The following ESPN variants were observed in gnomAD, a reference collection of about 807,000 sequenced individuals.
ESPN encodes autosomal recessive deafness type 36 protein.
ESPN carries 68 observed loss-of-function variants against 77.7 expected under a neutral mutation model. That is an observed-to-expected ratio of 0.87 (90% confidence interval 0.72 to 1.07). ESPN has a LOEUF of 1.07. Ranked by LOEUF, ESPN falls within the 50% of genes least tolerant of loss-of-function variation. ESPN has a pLI of 0.00. For synonymous variants in ESPN, 449 were observed against 567.1 expected (o/e 0.79, Z 2.96); for missense variants, 1,060 against 1,239.0 (o/e 0.86, Z 2.17).
chr1:6,458,790 T>C (rs1490694049), intron 12 of ESPN, among the ~76,000 whole-genome samples: 1 of 141,554 alleles, frequency 7.1e-6, no homozygotes, highest in Admixed American at 7.0e-5. Flanking sequence ...AATTAGGTGG[T>C]CGTGATGGCG....
In ESPN at chr1:6,440,244, G is replaced by A. The variant is rs553650057; in HGVS notation, c.489-10G>A. ...GCTGAAAGCCCACGGTGGGCGCTGTGTCTCCGCAGGGGAGTGAATGCCCAA... is the reference window on the plus strand; with the variant it reads ...GCTGAAAGCCCACGGTGGGCGCTGTATCTCCGCAGGGGAGTGAATGCCCAA... On this transcript the variant is annotated splice_polypyrimidine_tract_variant and intron_variant, in intron 2 of 12. Transcript: ENST00000645284. The A allele has an allele frequency of 2.0e-5, 31 of 1,547,998 alleles. No individual in the cohort carries two copies. Among genetic ancestry groups the A allele is most frequent in the Middle Eastern group, 2.0e-4 (1 of 4,910 alleles).
In ESPN at chr1:6,440,817, G is replaced by A; in HGVS notation, c.858+9G>A. 1 of 1,469,246 alleles carries A rather than the reference G, an allele frequency of 6.8e-7. No homozygotes were observed. Among genetic ancestry groups the A allele is most frequent in the East Asian group, 2.8e-5 (1 of 35,744 alleles). The allele number at this position is 1,469,246 out of a possible 1,614,324, so 91.0% of individuals were successfully genotyped here. A position where few individuals can be genotyped will look rare whatever the true frequency, so the allele number is the denominator to read the frequency against. On this transcript the variant is annotated intron_variant, in intron 4 of 12. Transcript: ENST00000645284. ...AGAACGGGGAGCTAGAGGTCAGCGC[G>A]GGCCCGGGGTGGGGGCGCGCGCCCT...
chr1:6,434,463 G>A (rs1643361154), intron 2 of ESPN, among the ~76,000 whole-genome samples: 1 of 152,144 alleles, frequency 6.6e-6, no homozygotes, highest in Non-Finnish European at 1.5e-5. Context: ...CTGAATGAGT[G>A]GGGTATGGAA....
Position 6,425,156 on chromosome 1 carries a change from C to T in ESPN, c.201C>T (p.Ala67=), listed in dbSNP as rs572281189. The stretch of plus-strand genomic sequence containing the variant: ...CCGCCCTCCCCGCCGCGGCCCGCGC[C>T]CGCAACGGCGCCACACCGGCCCACG... ...EEAALPAAAR[A]RNGATPAHDA... The change falls in exon 1 of 13, where the codon GCC becomes GCT. Residue 67 remains alanine, a synonymous_variant. Coordinates refer to ENST00000645284, the MANE Select transcript of ESPN (RefSeq NM_031475.3). 6.1e-5 allele frequency: 92 copies of T among 1,515,692 alleles called. No individual in the cohort carries two copies. In the South Asian group the frequency reaches 1.1e-3, roughly 18 times the overall value. The allele number at this position is 1,515,692 out of a possible 1,614,324, so 93.9% of individuals were successfully genotyped here. A position where few individuals can be genotyped will look rare whatever the true frequency, so the allele number is the denominator to read the frequency against.
intron 10 of ESPN, among the ~76,000 whole-genome samples, chr1:6,452,349 C>CGTA (rs981188375): frequency 6.6e-6 from 1 of 152,018 alleles, no homozygotes; most frequent in Non-Finnish European, 1.5e-5. Flanking sequence ...GGATTACAGG[C>CGTA]GCCTGCCACC....
chr1:6,445,462 C>A, intron 6 of ESPN: 1 of 659,390 alleles, frequency 1.5e-6, no homozygotes, highest in Non-Finnish European at 2.7e-6. Context: ...CCTGGTCTTC[C>A]CCCAGTAAGT....
downstream of ESPN, chr1:6,461,244 G>A: frequency 1.3e-6 from 1 of 769,480 alleles, no homozygotes; most frequent in Non-Finnish European, 2.3e-6. The surrounding 1 kb of genome is among the most constrained non-coding windows in gnomAD (Gnocchi z 6.3). Flanking sequence ...ACCCCCTCTC[G>A]ACATTCGTTC....
rs113467202 is a variant in ESPN, at chr1:6,428,329, C to T, written c.398C>T (p.Ala133Val). 4.0e-5 allele frequency: 65 copies of T among 1,612,866 alleles called. No individual in the cohort carries two copies. The African/African-American group carries it at 4.8e-4, about 12-fold the overall frequency. ...LLHHGGGDPT[A>V]ATDMGALPIH... ...CATCATGGCGGTGGGGACCCCACCG[C>T]GGCCACAGACATGGGCGCCCTGCCT... The change falls in exon 2 of 13, where the codon GCG becomes GTG. Residue 133 changes from alanine to valine, a missense_variant. Ala to Val is a moderately conservative substitution (Grantham distance 64, BLOSUM62 0). This residue lies in a region of ESPN where 556 missense variants were observed against 633.6 expected (regional missense o/e 0.88). Coordinates refer to ENST00000645284, the MANE Select transcript of ESPN (RefSeq NM_031475.3). This position sits in a 1 kb window ranked among gnomAD's most constrained non-coding sequence, Gnocchi z 5.4.
At chr1:6,453,529 C>T (rs1343873361) in intron 10 of ESPN, among the ~76,000 whole-genome samples, 1 of 152,250 alleles carries the variant, frequency 6.6e-6, no homozygotes, top group African/African-American at 2.4e-5. Context: ...TGAAGAGCCG[C>T]AGGTGAGACA....
downstream of ESPN, chr1:6,461,294 G>C: frequency 9.2e-7 from 1 of 1,084,262 alleles, no homozygotes; most frequent in Non-Finnish European, 1.4e-6. This position sits in a 1 kb window ranked among gnomAD's most constrained non-coding sequence, Gnocchi z 6.3. Flanking sequence ...GGGCGAGCAG[G>C]GGTGGGGCCG....
At chr1:6,461,299 G>T, downstream of ESPN, 2 of 1,153,644 alleles carry the variant, frequency 1.7e-6, no homozygotes, top group Non-Finnish European at 2.5e-6. This position sits in a 1 kb window ranked among gnomAD's most constrained non-coding sequence, Gnocchi z 6.3. Context: ...AGCAGGGGTG[G>T]GGCCGGCTGG....
At position 6,448,881 on chromosome 1, in the gene ESPN, G is replaced by A. The variant is rs1275702428; in HGVS notation, c.1705G>A (p.Ala569Thr). 7 of 1,317,490 alleles carry A rather than the reference G, an allele frequency of 5.3e-6. No individual in the cohort carries two copies. The African/African-American group carries it at 6.2e-5, about 12-fold the overall frequency. The allele number at this position is 1,317,490 out of a possible 1,614,324, so 81.6% of individuals were successfully genotyped here. A position where few individuals can be genotyped will look rare whatever the true frequency, so the allele number is the denominator to read the frequency against. ...AARGSLEGPS[A>T]PPQAALLPGN... ...CCGCGGCTCACTCGAAGGCCCCTCC[G>A]CTCCCCCGCAGGCGGCGCTGCTTCC... The change falls in exon 8 of 13, where the codon GCT becomes ACT. Residue 569 changes from alanine to threonine, a missense_variant. Coordinates refer to ENST00000645284, the MANE Select transcript of ESPN (RefSeq NM_031475.3).
chr1:6,445,625 G>C, intron 6 of ESPN, 39 bp from the exon 7 acceptor site: 1 of 1,603,572 alleles, frequency 6.2e-7, no homozygotes, highest in Non-Finnish European at 8.5e-7. Flanking sequence ...CAGCCTGTCT[G>C]CATGCTCCCA....
At position 6,444,481 on chromosome 1, in the gene ESPN, A is replaced by G. The variant is rs1304006355; in HGVS notation, c.991A>G (p.Ser331Gly). The change falls in exon 6 of 13, where the codon AGC becomes GGC. Residue 331 changes from serine (S) to glycine (G), a missense_variant and splice_region_variant. Transcript: ENST00000645284. ...TRYLRTVENL[S>G]VEHRVLSRDP... ...CATGGCCTCCCTGCCTCCCCTTCAG[A>G]GCGTGGAGCACCGCGTGCTTTCCCG... 6 of 1,614,088 alleles carry G rather than the reference A, an allele frequency of 3.7e-6. No homozygotes were observed. The highest frequency in any genetic ancestry group is 5.1e-6 in the Non-Finnish European group (6 of 1,179,988).
rs1643068485 is a variant in ESPN, at chr1:6,427,199, G to A, written c.295-1027G>A. ...AGAGGCTTTACTCCCTGATCCTAGTGAAGTGTGTCCACTGCATCCTGCACC... is the reference window on the plus strand; with the variant it reads ...AGAGGCTTTACTCCCTGATCCTAGTAAAGTGTGTCCACTGCATCCTGCACC... On this transcript the variant is annotated intron_variant, in intron 1 of 12. Coordinates refer to ENST00000645284, the MANE Select transcript of ESPN (RefSeq NM_031475.3). This position sits in a 1 kb window ranked among gnomAD's most constrained non-coding sequence, Gnocchi z 4.6. Among the ~76,000 whole-genome samples, 1 of 152,056 alleles carries A rather than the reference G, an allele frequency of 6.6e-6. No homozygotes were observed. Among genetic ancestry groups the A allele is most frequent in the African/African-American group, 2.4e-5 (1 of 41,382 alleles).
rs181289549 is a variant in ESPN, at chr1:6,429,473, C to T, written c.488+1054C>T. On this transcript the variant is annotated intron_variant, in intron 2 of 12. Coordinates refer to ENST00000645284, the MANE Select transcript of ESPN (RefSeq NM_031475.3). ...CTGTCCCAGATTCCTGAGTTAGACTCTCCAGGTTGGGGCGTGGGAGCCACA... is the reference window on the plus strand; with the variant it reads ...CTGTCCCAGATTCCTGAGTTAGACTTTCCAGGTTGGGGCGTGGGAGCCACA... 7.3e-3 allele frequency among the ~76,000 whole-genome samples: 1,114 copies of T among 152,270 alleles called. 15 individuals are homozygous for T. Among genetic ancestry groups the T allele is most frequent in the African/African-American group, 0.026 (1,061 of 41,552 alleles).
intron 10 of ESPN, chr1:6,455,968 C>G (rs1202201605): frequency 2.5e-6 from 1 of 398,652 alleles, no homozygotes; most frequent in Non-Finnish European, 4.4e-6. Flanking sequence ...ACGGGGGACC[C>G]GCCTGAGGGG....
chr1:6,446,636 G>T (rs535632651), intron 7 of ESPN, among the ~76,000 whole-genome samples: 6 of 152,282 alleles, frequency 3.9e-5, no homozygotes, highest in Admixed American at 2.0e-4. Context: ...TTGGGGCAGA[G>T]GTCTGGTCTG....
In ESPN at chr1:6,447,800, T is replaced by A. The variant is rs1469042327; in HGVS notation, c.1465-841T>A. On this transcript the variant is annotated intron_variant, in intron 7 of 12. Transcript: ENST00000645284. This position sits in a 1 kb window ranked among gnomAD's most constrained non-coding sequence, Gnocchi z 5.2. ...TCTGCCCACAGTCAGCCCTCTCCCCTCTCGGGCGGGGATGAAGGTGGGGGC... is the reference window on the plus strand; with the variant it reads ...TCTGCCCACAGTCAGCCCTCTCCCCACTCGGGCGGGGATGAAGGTGGGGGC... Among the ~76,000 whole-genome samples, 1 of 151,316 alleles carries A rather than the reference T, an allele frequency of 6.6e-6. No homozygotes were observed. Among genetic ancestry groups the A allele is most frequent in the Non-Finnish European group, 1.5e-5 (1 of 67,826 alleles).
Sources: allele counts gnomAD v4.1 joint callset (sites outside exome capture counted in the v4.1 genomes callset), GRCh38; gene constraint gnomAD v4.1.1; regional missense constraint gnomAD v4.1.1; non-coding constraint Gnocchi (gnomAD v3.1); transcripts MANE v1.5; gene names NCBI Gene and HGNC (gene_info 2026-07-23, HGNC 2026-07-21).